Variants in PIK3C2G observed in about 807,000 individuals in gnomAD.
The protein encoded by PIK3C2G is phosphatidylinositol-4-phosphate 3-kinase catalytic subunit type 2 gamma, also known as phosphatidylinositol 3-kinase C2 domain-containing subunit gamma.
A neutral mutation model predicts 181.1 loss-of-function variants in PIK3C2G; 168 were observed. The ratio of observed to expected loss-of-function variants is 0.93; its 90% CI spans 0.82 to 1.05. The LOEUF (loss-of-function observed/expected upper bound fraction) is 1.05. Among genes scored for constraint, PIK3C2G ranks in the 50% least tolerant of loss-of-function variants. The probability of loss-of-function intolerance (pLI) is 0.00; values close to 1 mark genes in which losing one functional copy is unlikely to be tolerated. For missense variants in PIK3C2G, 1,869 were observed against 1,732.8 expected, an observed-to-expected ratio of 1.08 and a Z score of -1.40; for synonymous variants, 573 against 592.2, an observed-to-expected ratio of 0.97 and a Z score of 0.47.
At chr12:18,482,336 G>A (rs1327929936) in intron 18 of PIK3C2G, among the ~76,000 whole-genome samples, 1 of 151,988 alleles carries the variant, frequency 6.6e-6, no homozygotes. Context: ...GATAGGGCAG[G>A]AATTGCAATC....
At chr12:18,719,317 T>C in the PIK3C2G span, 3 of 544,304 alleles carry the variant, frequency 5.5e-6, no homozygotes, top group South Asian at 5.7e-5. Flanking sequence ...CCCTATGAGT[T>C]TGGATAACAT....
chr12:18,565,981 C>T (rs1945615605), intron 28 of PIK3C2G, among the ~76,000 whole-genome samples: 1 of 152,024 alleles, frequency 6.6e-6, no homozygotes, highest in African/African-American at 2.4e-5. Context: ...ATGCTATATG[C>T]TCAATTGATT....
chr12:18,298,118 G>C (rs940570401), intron 5 of PIK3C2G, among the ~76,000 whole-genome samples: 7 of 151,816 alleles, frequency 4.6e-5, no homozygotes, highest in Admixed American at 3.9e-4. Flanking sequence ...TTCCATAATG[G>C]TTGTAGTAAT....
chr12:18,419,388 A>G (rs1945351242), intron 16 of PIK3C2G, among the ~76,000 whole-genome samples: 1 of 152,168 alleles, frequency 6.6e-6, no homozygotes, highest in Admixed American at 6.6e-5. Flanking sequence ...TCCCTCCAAG[A>G]CTTCAAACTG....
chr12:18,391,245 C>T lies in PIK3C2G; in HGVS notation c.2119C>T (p.Pro707Ser), dbSNP rs111580027. 7.4e-4 allele frequency: 1,172 copies of T among 1,573,492 alleles called. 9 individuals carry two copies. The African/African-American group carries it at 0.014, about 19-fold the overall frequency. The change falls in exon 15 of 33, where the codon CCC becomes TCC. Residue 707 changes from proline to serine, a missense_variant. Pro to Ser is a moderately conservative substitution (Grantham distance 74). Transcript: ENST00000538779. ...TGCCAGACTTTCACAGAAACAGACT[C>T]CCCTACTGTAAGTGACCTAGGTCTT... is the stretch of plus-strand genomic sequence containing the variant. The part of the protein sequence containing the change: ...HIARLSQKQT[P>S]LLLSEEKKRY...
At chr12:18,657,999 T>C in the PIK3C2G span, among the ~76,000 whole-genome samples, 1 of 151,874 alleles carries the variant, frequency 6.6e-6, no homozygotes, top group African/African-American at 2.4e-5. Flanking sequence ...TAAAGAGACA[T>C]ATTATGAAGT....
At chr12:18,697,960 A>T in the PIK3C2G span, among the ~76,000 whole-genome samples, 2 of 152,068 alleles carry the variant, frequency 1.3e-5, no homozygotes, top group Admixed American at 1.3e-4. Flanking sequence ...CTCTACTCAG[A>T]ACTATCTAAT....
At chr12:18,702,852 A>C in the PIK3C2G span, among the ~76,000 whole-genome samples, 2 of 122,072 alleles carry the variant, frequency 1.6e-5, no homozygotes, top group East Asian at 4.7e-4. Flanking sequence ...ACGGAGTCTC[A>C]CTCTGTCACC....
chr12:18,650,688 GTGTGTGTGTGTGTGTGTATATATCTA>G (rs1950419425), downstream of PIK3C2G, among the ~76,000 whole-genome samples: 9 of 40,254 alleles, frequency 2.2e-4, no homozygotes, highest in East Asian at 1.2e-3. Flanking sequence ...GTGTGTGTGT[GTGTGTGTGTGTGTGTGTATATATCTA>G]TATATATATA....
chr12:18,633,451 A>G (rs762892950), intron 31 of PIK3C2G, among the ~76,000 whole-genome samples: 1 of 152,096 alleles, frequency 6.6e-6, no homozygotes, highest in Non-Finnish European at 1.5e-5. Flanking sequence ...CCTTTATTCT[A>G]TTTGCCTTCC....
At chr12:18,537,313 A>C (rs1385507809) in intron 24 of PIK3C2G, among the ~76,000 whole-genome samples, 1 of 152,118 alleles carries the variant, frequency 6.6e-6, no homozygotes, top group African/African-American at 2.4e-5. Flanking sequence ...TCACCAAATT[A>C]GTGTCAAATT....
At chr12:18,600,165 A>T (rs1947629139) in intron 30 of PIK3C2G, among the ~76,000 whole-genome samples, 1 of 152,030 alleles carries the variant, frequency 6.6e-6, no homozygotes. Flanking sequence ...TGACTACAGA[A>T]AAGTTCAATA....
intron 1 of PIK3C2G, among the ~76,000 whole-genome samples, chr12:18,277,640 G>C (rs1439250478): frequency 6.6e-6 from 1 of 151,998 alleles, no homozygotes; most frequent in Non-Finnish European, 1.5e-5. Flanking sequence ...TAGTAATGTG[G>C]CCAGGACTTT....
rs73342903 is a variant in PIK3C2G at position 18,321,046 on chromosome 12, T to C, written c.1208+14T>C. 962 of 1,341,452 alleles carry C rather than the reference T, an allele frequency of 7.2e-4. 8 individuals are homozygous for C. The African/African-American group carries it at 0.012, about 17-fold the overall frequency. The allele number at this position is 1,341,452 out of a possible 1,614,324, so 83.1% of individuals were successfully genotyped here. The stretch of plus-strand genomic sequence containing the variant: ...GAAAGTATCCAGGTAAGATATTTTA[T>C]ATTTGTTCCAAGACTACTTTCTGAT... On this transcript the variant is annotated intron_variant, in intron 7 of 32. Transcript: ENST00000538779.
In PIK3C2G at chr12:18,396,009, G is replaced by A. The variant is rs1943870193; in HGVS notation, c.2127-3650G>A. Among the ~76,000 whole-genome samples, 3 of 151,666 alleles carry A rather than the reference G, an allele frequency of 2.0e-5. No individual in the cohort carries two copies. In the South Asian group the frequency reaches 6.2e-4, roughly 31 times the overall value. ...AAAAAACACGCCATAGAAACTAATA[G>A]CAGTACAGTGAGCCTTTGGTATGGT... On this transcript the variant is annotated intron_variant, in intron 15 of 32. Coordinates refer to ENST00000538779, the MANE Select transcript of PIK3C2G (RefSeq NM_001288772.2).
chr12:18,451,653 G>A (rs1289331649), intron 18 of PIK3C2G, among the ~76,000 whole-genome samples: 1 of 152,060 alleles, frequency 6.6e-6, no homozygotes, highest in Non-Finnish European at 1.5e-5. Flanking sequence ...ATCTTGTGCT[G>A]GTTTTCAAAG....
At chr12:18,271,031 C>T (rs193217221) in intron 1 of PIK3C2G, among the ~76,000 whole-genome samples, 1 of 152,126 alleles carries the variant, frequency 6.6e-6, no homozygotes, top group Admixed American at 6.5e-5. Flanking sequence ...TTGGCTCTCC[C>T]TTAGGACTCT....
At chr12:18,257,816 A>C (rs1948162408), upstream of PIK3C2G, among the ~76,000 whole-genome samples, 1 of 140,010 alleles carries the variant, frequency 7.1e-6, no homozygotes, top group Admixed American at 8.0e-5. Flanking sequence ...AGAAAGAAGG[A>C]GAAAGAGAAA....
At chr12:18,414,990 C>A (rs1156467915) in intron 16 of PIK3C2G, among the ~76,000 whole-genome samples, 2 of 152,152 alleles carry the variant, frequency 1.3e-5, no homozygotes, top group Non-Finnish European at 1.5e-5. Flanking sequence ...ACAGAGACAT[C>A]CCTTTCCATT....
Sources: gnomAD v4.1 joint callset for allele counts (sites outside exome capture counted in the v4.1 genomes callset) on GRCh38, gnomAD v4.1.1 for gene constraint, MANE v1.5 for transcripts, NCBI Gene and HGNC (gene_info 2026-07-23, HGNC 2026-07-21) for gene names.